Variants in RCSD1 observed in about 807,000 individuals in gnomAD.
RCSD1 encodes capZ-interacting protein.
Under a neutral mutation model 42.5 loss-of-function variants are expected in RCSD1, and 26 were observed. That is an observed-to-expected ratio of 0.61 (90% confidence interval 0.45 to 0.85). The LOEUF is 0.85. Ranked by LOEUF, RCSD1 falls within the 40% of genes least tolerant of loss-of-function variation. The pLI is 0.00. For synonymous variants in RCSD1, 220 were observed against 212.2 expected (o/e 1.04, Z -0.32); for missense variants, 571 against 528.3 (o/e 1.08, Z -0.79).
At position 167,704,790 on chromosome 1, in the gene RCSD1, C is replaced by A; in HGVS notation, c.*94C>A. 7.9e-7 allele frequency: 1 copy of A among 1,269,878 alleles called. No homozygotes were observed. The highest frequency in any genetic ancestry group is 1.1e-6 in the Non-Finnish European group (1 of 879,804). 78.7% of individuals were successfully genotyped at this position (1,269,878 alleles called of 1,614,324 possible). On this transcript the variant is annotated 3_prime_UTR_variant, in exon 7 of 7. Transcript: ENST00000367854. ...GTAGCAGCAGCAGACGAAGCCATTG[C>A]AGAGGCAGAATATGCTGAGTGTCTG... is the stretch of plus-strand genomic sequence containing the variant.
chr1:167,691,971 C>A (rs1187691881), intron 4 of RCSD1, among the ~76,000 whole-genome samples: 1 of 152,208 alleles, frequency 6.6e-6, no homozygotes, highest in Non-Finnish European at 1.5e-5. Context: ...CTCTGCCTCC[C>A]TGTAGCCCAC....
At chr1:167,704,538 C>T in intron 6 of RCSD1, 126 bp from the exon 7 acceptor site, 1 of 798,800 alleles carries the variant, frequency 1.3e-6, no homozygotes, top group Non-Finnish European at 2.1e-6. Context: ...ATTCTTATGA[C>T]TATCATTCTT....
At chr1:167,672,646 A>G (rs772742330) in intron 1 of RCSD1, among the ~76,000 whole-genome samples, 1 of 152,134 alleles carries the variant, frequency 6.6e-6, no homozygotes, top group Non-Finnish European at 1.5e-5. Context: ...GGCTCTTGTG[A>G]TAATATGGGA....
At chr1:167,646,185 T>A (rs1413154416) in intron 1 of RCSD1, among the ~76,000 whole-genome samples, 2 of 152,098 alleles carry the variant, frequency 1.3e-5, no homozygotes, top group East Asian at 3.9e-4. Context: ...CGGAAGAGGC[T>A]GAGTTTTGGT....
chr1:167,685,323 C>T, intron 2 of RCSD1, 98 bp from the exon 3 acceptor site: 1 of 890,808 alleles, frequency 1.1e-6, no homozygotes, highest in Non-Finnish European at 1.7e-6. Flanking sequence ...AATCCCTAAA[C>T]CTTCCTGAAA....
chr1:167,635,929 T>C (rs1450206082), intron 1 of RCSD1, among the ~76,000 whole-genome samples: 1 of 152,208 alleles, frequency 6.6e-6, no homozygotes, highest in African/African-American at 2.4e-5. Context: ...AGGATGGTTC[T>C]TGTAGCAGCA....
At chr1:167,673,768 C>T (rs1316087743) in intron 1 of RCSD1, among the ~76,000 whole-genome samples, 2 of 152,198 alleles carry the variant, frequency 1.3e-5, no homozygotes, top group East Asian at 3.8e-4. Flanking sequence ...CATGCCCTTC[C>T]ATGCTTTTGA....
intron 1 of RCSD1, among the ~76,000 whole-genome samples, chr1:167,659,009 T>G (rs1470556754): frequency 6.6e-6 from 1 of 152,124 alleles, no homozygotes; most frequent in African/African-American, 2.4e-5. Flanking sequence ...CAGCAATATA[T>G]CAATATATGA....
intron 1 of RCSD1, among the ~76,000 whole-genome samples, chr1:167,661,997 G>C (rs145251213): frequency 3.0e-4 from 46 of 152,306 alleles, no homozygotes; most frequent in African/African-American, 8.2e-4. Flanking sequence ...TCTGCTTAGA[G>C]TCTGGGAGCC....
chr1:167,701,231 G>A (rs1242303601), intron 6 of RCSD1, among the ~76,000 whole-genome samples: 4 of 150,340 alleles, frequency 2.7e-5, no homozygotes, highest in East Asian at 2.0e-4. Flanking sequence ...AAACTTTGAC[G>A]CCACTTAACC....
At chr1:167,657,726 C>T (rs1019355735) in intron 1 of RCSD1, among the ~76,000 whole-genome samples, 6 of 152,112 alleles carry the variant, frequency 3.9e-5, no homozygotes, top group Non-Finnish European at 7.4e-5. Context: ...TGTTCCCCTG[C>T]TCAAATCAGA....
rs916268262 is a variant in RCSD1 at position 167,706,831 on chromosome 1, G to A, written c.*2135G>A. ...AACTCTCCTTTCTCAAAGCAACCAT[G>A]ATCAGGTGTTTTATTTGCATGGTTG... On this transcript the variant is annotated 3_prime_UTR_variant, in exon 7 of 7. Transcript: ENST00000367854. 6.6e-6 allele frequency among the ~76,000 whole-genome samples: 1 copy of A among 152,152 alleles called. No homozygotes were observed. Among genetic ancestry groups the A allele is most frequent in the Non-Finnish European group, 1.5e-5 (1 of 68,028 alleles).
intron 6 of RCSD1, among the ~76,000 whole-genome samples, chr1:167,703,436 T>C (rs1659689372): frequency 6.6e-6 from 1 of 152,178 alleles, no homozygotes; most frequent in Non-Finnish European, 1.5e-5. Context: ...TGAGGATCGC[T>C]GGAGCCCAGG....
intron 6 of RCSD1, among the ~76,000 whole-genome samples, chr1:167,700,973 G>T (rs1659623247): frequency 6.6e-6 from 1 of 152,196 alleles, no homozygotes; most frequent in African/African-American, 2.4e-5. Flanking sequence ...CTGCTTCAGG[G>T]AGGTCTCAGG....
intron 5 of RCSD1, among the ~76,000 whole-genome samples, chr1:167,696,475 A>G (rs1659500574): frequency 6.7e-6 from 1 of 149,546 alleles, no homozygotes. Context: ...TTTTTAATGC[A>G]GGGTCTTTCT....
intron 6 of RCSD1, among the ~76,000 whole-genome samples, chr1:167,699,276 C>T (rs1461864704): frequency 6.6e-6 from 1 of 152,206 alleles, no homozygotes; most frequent in Non-Finnish European, 1.5e-5. Context: ...TGGCTCAAAA[C>T]AATAGAAATA....
chr1:167,631,333 T>C (rs565220918), intron 1 of RCSD1, among the ~76,000 whole-genome samples: 14 of 152,330 alleles, frequency 9.2e-5, no homozygotes, highest in Middle Eastern at 3.4e-3. Context: ...TTTGAGAAGA[T>C]GCAAATGTTA....
At position 167,640,895 on chromosome 1, in the gene RCSD1, C is replaced by T. The variant is rs113683122; in HGVS notation, c.6+10466C>T. ...AGGGGGTCACCATTCACCCCACTAT[C>T]GCAGTCAACCTGCTATCCATATAAA... is the stretch of plus-strand genomic sequence containing the variant. On this transcript the variant is annotated intron_variant, in intron 1 of 6. Transcript: ENST00000367854. 7.4e-4 allele frequency among the ~76,000 whole-genome samples: 112 copies of T among 152,204 alleles called. 1 individual carries two copies. The highest frequency in any genetic ancestry group is 2.5e-3 in the African/African-American group (102 of 41,522).
At chr1:167,636,532 T>C (rs982638642) in intron 1 of RCSD1, among the ~76,000 whole-genome samples, 1 of 152,226 alleles carries the variant, frequency 6.6e-6, no homozygotes, top group Non-Finnish European at 1.5e-5. Flanking sequence ...GAATCTTTTA[T>C]AATTAATCAT....
Sources: allele counts gnomAD v4.1 joint callset (sites outside exome capture counted in the v4.1 genomes callset), GRCh38; gene constraint gnomAD v4.1.1; transcripts MANE v1.5; gene names NCBI Gene and HGNC (gene_info 2026-07-23, HGNC 2026-07-21).